Variants in RGL1 observed in about 807,000 individuals in gnomAD.
The protein encoded by RGL1 is ral guanine nucleotide dissociation stimulator-like 1.
In RGL1, 24 loss-of-function variants were observed where a neutral mutation model predicts 95.2. The ratio of observed to expected loss-of-function variants is 0.25; its 90% CI spans 0.18 to 0.35. RGL1 has a LOEUF of 0.35. Among genes scored for constraint, RGL1 ranks in the 10% least tolerant of loss-of-function variants. The pLI is 1.00. For missense variants in RGL1, 715 were observed against 936.3 expected (o/e 0.76, Z 3.08); for synonymous variants, 329 against 344.9 (o/e 0.95, Z 0.51).
At chr1:183,896,074 G>A (rs1192475969) in intron 9 of RGL1, among the ~76,000 whole-genome samples, 2 of 152,062 alleles carry the variant, frequency 1.3e-5, no homozygotes, top group Non-Finnish European at 2.9e-5. Context: ...CTGACATACT[G>A]GAGGGAGACC....
chr1:183,897,728 C>G lies in RGL1; in HGVS notation c.1141-80C>G. 3 of 1,043,984 alleles carry G rather than the reference C, an allele frequency of 2.9e-6. 1 individual carries two copies. Among genetic ancestry groups the G allele is most frequent in the South Asian group, 2.7e-5 (2 of 72,946 alleles). 64.7% of individuals were successfully genotyped at this position (1,043,984 alleles called of 1,614,324 possible). A position where few individuals can be genotyped will look rare whatever the true frequency, so the allele number is the denominator to read the frequency against. On this transcript the variant is annotated intron_variant, in intron 9 of 17. Coordinates refer to ENST00000360851, the MANE Select transcript of RGL1 (RefSeq NM_001297671.3). ...AGCGAGAGTTATGCAGGGTTGTGTGCGAGAAACTAGATGCCTCTTTACTTC... is the reference window on the plus strand; with the variant it reads ...AGCGAGAGTTATGCAGGGTTGTGTGGGAGAAACTAGATGCCTCTTTACTTC...
chr1:183,770,544 C>T (rs368899787), intron 2 of RGL1, among the ~76,000 whole-genome samples: 32 of 152,160 alleles, frequency 2.1e-4, no homozygotes, highest in Non-Finnish European at 2.9e-4. Context: ...TTGGGTGCTT[C>T]GCTTGAGGGG....
chr1:183,883,862 G>T lies in RGL1; in HGVS notation c.687G>T (p.Thr229=), dbSNP rs576373103. 2.7e-5 allele frequency: 44 copies of T among 1,613,992 alleles called. 2 individuals carry two copies. In the South Asian group the frequency reaches 3.7e-4, roughly 14 times the overall value. Residue 229 remains threonine (T), a synonymous_variant, in exon 6 of 18, where the codon ACG becomes ACT. Transcript: ENST00000360851. ...AGGGTGGAGAGTCAGCAGAATTCAC[G>T]TGCTTCTCAGAAGATCTCGTGGCAG... ...ELEGGESAEF[T]CFSEDLVAEQ...
chr1:183,734,514 G>C (rs1656815079), intron 1 of RGL1, among the ~76,000 whole-genome samples: 1 of 152,158 alleles, frequency 6.6e-6, no homozygotes, highest in Admixed American at 6.5e-5. Flanking sequence ...TGTTGCTGTT[G>C]TTATTGTTGA....
rs151156153 is a variant in RGL1, at chr1:183,809,706, A to G, written c.138+3221A>G. On this transcript the variant is annotated intron_variant, in intron 2 of 17. Coordinates refer to ENST00000360851, the MANE Select transcript of RGL1 (RefSeq NM_001297671.3). ...ATTCTTGTAATCCCAGCACTTTGAG[A>G]GGCCAAGGCAGGCTAATTTGCTTGA... Among the ~76,000 whole-genome samples the G allele has an allele frequency of 5.9e-4, 90 of 152,318 alleles. 1 individual carries two copies. The East Asian group carries it at 0.017, about 29-fold the overall frequency.
At chr1:183,800,037 G>A (rs1660904122) in intron 2 of RGL1, among the ~76,000 whole-genome samples, 1 of 152,164 alleles carries the variant, frequency 6.6e-6, no homozygotes, top group African/African-American at 2.4e-5. Flanking sequence ...AAATAAGGCT[G>A]TGAGAAGTGA....
intron 2 of RGL1, among the ~76,000 whole-genome samples, chr1:183,765,102 A>T (rs1434577404): frequency 2.0e-5 from 3 of 152,068 alleles, no homozygotes; most frequent in Admixed American, 6.6e-5. Flanking sequence ...CAGGAAGGTG[A>T]CTCTCTACTT....
chr1:183,905,448 T>G (rs545465467), intron 13 of RGL1, among the ~76,000 whole-genome samples: 83 of 152,160 alleles, frequency 5.5e-4, no homozygotes, highest in Middle Eastern at 3.4e-3. Flanking sequence ...ACAAAACCTA[T>G]GGGAAGAATT....
chr1:183,809,198 A>T (rs1204481255), intron 2 of RGL1, among the ~76,000 whole-genome samples: 1 of 152,230 alleles, frequency 6.6e-6, no homozygotes, highest in Non-Finnish European at 1.5e-5. Flanking sequence ...CTTATTCCAG[A>T]TGCCTAAAAG....
chr1:183,781,613 G>T (rs1267945093), intron 2 of RGL1, among the ~76,000 whole-genome samples: 1 of 152,102 alleles, frequency 6.6e-6, no homozygotes, highest in Non-Finnish European at 1.5e-5. Flanking sequence ...AAAAAATCAT[G>T]CATGTACCTG....
At chr1:183,801,167 GTGTGTGTGTGTT>G (rs926819885), upstream of RGL1, among the ~76,000 whole-genome samples, 4 of 151,800 alleles carry the variant, frequency 2.6e-5, no homozygotes, top group African/African-American at 7.3e-5. Context: ...GTGTGTGTGT[GTGTGTGTGTGTT>G]TAATAATGGC....
chr1:183,823,458 G>A (rs1380653130), intron 2 of RGL1, among the ~76,000 whole-genome samples: 1 of 152,092 alleles, frequency 6.6e-6, no homozygotes, highest in Non-Finnish European at 1.5e-5. Flanking sequence ...GTTTAATAAG[G>A]TTCTGTATAA....
At chr1:183,888,610 T>C (rs1361911987) in intron 8 of RGL1, 33 bp downstream of exon 8, 1 of 1,388,996 alleles carries the variant, frequency 7.2e-7, no homozygotes, top group East Asian at 2.3e-5. Context: ...TGCTTTTCTT[T>C]GGCCGGGATA....
intron 2 of RGL1, among the ~76,000 whole-genome samples, chr1:183,767,566 C>T (rs1280511348): frequency 6.6e-6 from 1 of 152,136 alleles, no homozygotes; most frequent in Non-Finnish European, 1.5e-5. Context: ...ACTATCTATG[C>T]AGAATAGAAA....
intron 7 of RGL1, among the ~76,000 whole-genome samples, chr1:183,887,497 C>T (rs755912024): frequency 2.0e-5 from 3 of 152,136 alleles, no homozygotes; most frequent in Non-Finnish European, 2.9e-5. Flanking sequence ...AAACCAAATA[C>T]GTGCTCACAT....
intron 2 of RGL1, among the ~76,000 whole-genome samples, chr1:183,813,702 T>C (rs1341047200): frequency 6.6e-6 from 1 of 152,240 alleles, no homozygotes; most frequent in East Asian, 1.9e-4. Flanking sequence ...TGTCCTGGTC[T>C]TTTTCCATCT....
intron 2 of RGL1, among the ~76,000 whole-genome samples, chr1:183,846,220 A>C (rs1197562141): frequency 1.3e-5 from 2 of 152,250 alleles, no homozygotes; most frequent in Non-Finnish European, 2.9e-5. Flanking sequence ...GCCATAAAAA[A>C]GGATGAGTTC....
Position 183,884,747 on chromosome 1 carries a change from C to T in RGL1, c.760C>T (p.His254Tyr). Residue 254 changes from histidine to tyrosine, a missense_variant, in exon 7 of 18, where the codon CAC (histidine) becomes TAC (tyrosine). By Grantham distance (83) the His-to-Tyr change is moderately conservative (BLOSUM62 2). This residue lies in a region of RGL1 where 381 missense variants were observed against 484.8 expected (regional missense o/e 0.79). Coordinates refer to ENST00000360851, the MANE Select transcript of RGL1 (RefSeq NM_001297671.3). Reference sequence around the variant, plus strand: ...GCAACTCTTCAAGAAAGTAGTGCCTCACCACTGCCTGGGCTGCATTTGGTC... The same window carrying T: ...GCAACTCTTCAAGAAAGTAGTGCCTTACCACTGCCTGGGCTGCATTTGGTC... ...DAQLFKKVVP[H>Y]HCLGCIWSRR... 6.2e-7 allele frequency: 1 copy of T among 1,614,078 alleles called. No homozygotes were observed. The highest frequency in any genetic ancestry group is 8.5e-7 in the Non-Finnish European group (1 of 1,179,952).
chr1:183,873,507 C>G (rs1421707521), intron 4 of RGL1, among the ~76,000 whole-genome samples: 4 of 152,116 alleles, frequency 2.6e-5, no homozygotes, highest in Non-Finnish European at 4.4e-5. Flanking sequence ...TATTTGAACT[C>G]CCGTCCAACT....
Sources: gnomAD v4.1 joint callset for allele counts (sites outside exome capture counted in the v4.1 genomes callset) on GRCh38, gnomAD v4.1.1 for gene constraint, gnomAD v4.1.1 regional missense constraint, MANE v1.5 for transcripts, NCBI Gene and HGNC (gene_info 2026-07-23, HGNC 2026-07-21) for gene names.